Variants in R3HDM1 observed in about 807,000 individuals in gnomAD.
R3HDM1 encodes R3H domain containing 1.
In R3HDM1, 46 loss-of-function variants were observed where a neutral mutation model predicts 141.1. That is an observed-to-expected ratio of 0.33 (90% CI 0.26 to 0.42). The LOEUF is 0.42. R3HDM1 is among the 10% of genes least tolerant of loss of function. The probability of loss-of-function intolerance (pLI) is 1.00; values close to 1 mark genes in which losing one functional copy is unlikely to be tolerated. For synonymous variants in R3HDM1, 435 were observed against 472.9 expected, an observed-to-expected ratio of 0.92 and a Z score of 1.04; for missense variants, 1,184 against 1,368.3, an observed-to-expected ratio of 0.87 and a Z score of 2.12.
intron 1 of R3HDM1, among the ~76,000 whole-genome samples, chr2:135,570,279 CT>C (rs1198483392): frequency 1.3e-5 from 2 of 152,184 alleles, no homozygotes; most frequent in African/African-American, 4.8e-5. Context: ...GTTCAGTTAT[CT>C]CAGTATTAAA....
intron 21 of R3HDM1, among the ~76,000 whole-genome samples, chr2:135,681,874 C>T (rs1012735009): frequency 5.9e-5 from 9 of 152,018 alleles, no homozygotes; most frequent in African/African-American, 2.2e-4. Context: ...TTATATACTT[C>T]TTGGCCACAT....
chr2:135,686,261 G>A (rs968246714), intron 21 of R3HDM1, among the ~76,000 whole-genome samples: 1 of 152,140 alleles, frequency 6.6e-6, no homozygotes, highest in African/African-American at 2.4e-5. Flanking sequence ...AAACAGTACA[G>A]AAGTTCCTAA....
At chr2:135,699,037 A>AGATTGATAGATT (rs1415750274) in intron 21 of R3HDM1, among the ~76,000 whole-genome samples, 12 of 99,812 alleles carry the variant, frequency 1.2e-4, no homozygotes, top group Non-Finnish European at 1.2e-4. Context: ...ATAGATAGAT[A>AGATTGATAGATT]GATAGATAAG....
At chr2:135,652,273 G>A (rs1227525655) in intron 18 of R3HDM1, among the ~76,000 whole-genome samples, 1 of 152,090 alleles carries the variant, frequency 6.6e-6, no homozygotes, top group East Asian at 1.9e-4. Context: ...TTTCTGAGAG[G>A]TATGGGTTTC....
In R3HDM1 at chr2:135,568,062, G is replaced by GT. The variant is rs768984784; in HGVS notation, c.-249-34431dup. Among the ~76,000 whole-genome samples the GT allele has an allele frequency of 8.9e-5, 13 of 146,416 alleles. No individual in the cohort carries two copies. The East Asian group carries it at 1.5e-3, about 16-fold the overall frequency. ...CCACCATGCCTGGCCACATTTTTGT[G>GT]TTTTTTTGTTTGAGACAGGGTCTTA... On this transcript the variant is annotated intron_variant, in intron 1 of 26. Transcript: ENST00000683871.
At chr2:135,627,081 T>C (rs2062126379) in intron 7 of R3HDM1, among the ~76,000 whole-genome samples, 2 of 152,180 alleles carry the variant, frequency 1.3e-5, no homozygotes, top group African/African-American at 4.8e-5. Flanking sequence ...ATTAGTGTCA[T>C]TGTGGTTTTA....
intron 1 of R3HDM1, chr2:135,586,328 T>G (rs1707898557): frequency 6.6e-6 from 1 of 152,666 alleles, no homozygotes; most frequent in African/African-American, 2.4e-5. Flanking sequence ...TTCTATTGTC[T>G]GAGTCCTCCT....
chr2:135,539,456 A>T (rs1029303438), intron 1 of R3HDM1, among the ~76,000 whole-genome samples: 2 of 152,204 alleles, frequency 1.3e-5, no homozygotes, highest in African/African-American at 4.8e-5. Flanking sequence ...GACCACTATC[A>T]TTTATGCAGT....
rs2072233268 is a variant in R3HDM1 at position 135,690,717 on chromosome 2, T to TG, written c.2459+10393_2459+10394insG. Among the ~76,000 whole-genome samples the TG allele has an allele frequency of 9.2e-5, 14 of 151,534 alleles. No individual in the cohort carries two copies. In the South Asian group the frequency reaches 2.9e-3, roughly 31 times the overall value. On this transcript the variant is annotated intron_variant, in intron 21 of 26. Transcript: ENST00000683871. ...CTTTAGTGGATATAAAAGAGGTTTT[T>TG]TTTGTTTGTTTGTTTCTTTTTTTCT...
rs546435465 is a variant in R3HDM1 at position 135,596,290 on chromosome 2, G to T, written c.-249-6210G>T. 2.0e-5 allele frequency among the ~76,000 whole-genome samples: 3 copies of T among 152,210 alleles called. No homozygotes were observed. In the East Asian group the frequency reaches 5.8e-4, roughly 29 times the overall value. ...TGGGATTACAGGCATGAGCCACCGC[G>T]CCCAGCCTAATACTAAGCTTCTAAT... On this transcript the variant is annotated intron_variant, in intron 1 of 26. Transcript: ENST00000683871.
chr2:135,535,499 AAAAT>A (rs3050151), intron 1 of R3HDM1, among the ~76,000 whole-genome samples: 33,156 of 143,596 alleles, frequency 0.23, 4,686 homozygotes, highest in East Asian at 0.55. Context: ...CTTTGTCTCA[AAAAT>A]AAATAAATAA....
chr2:135,622,154 G>T (rs920620628), intron 6 of R3HDM1: 2 of 984,482 alleles, frequency 2.0e-6, no homozygotes, highest in South Asian at 9.4e-5. Flanking sequence ...TATTTGAAAA[G>T]TATTTTGAAA....
chr2:135,701,152 A>T (rs1295043636), intron 21 of R3HDM1, among the ~76,000 whole-genome samples: 1 of 149,576 alleles, frequency 6.7e-6, no homozygotes, highest in Non-Finnish European at 1.5e-5. Flanking sequence ...TGGGACACAG[A>T]GATGGGAGAA....
At position 135,641,753 on chromosome 2, in the gene R3HDM1, C is replaced by G; in HGVS notation, c.1437C>G (p.Gly479=). Residue 479 remains glycine, a synonymous_variant, in exon 15 of 27, where the codon GGC becomes GGG. Transcript: ENST00000683871. Reference sequence around the variant, plus strand: ...TTTTGCTTCCCTTGGAAGCGGCAGGCATACCACCTGGCAGTATTCTGATCA... The same window carrying G: ...TTTTGCTTCCCTTGGAAGCGGCAGGGATACCACCTGGCAGTATTCTGATCA... ...SFFLLPLEAA[G]IPPGSILINP... 1.9e-6 allele frequency: 3 copies of G among 1,614,072 alleles called. No individual in the cohort carries two copies. Among genetic ancestry groups the G allele is most frequent in the Non-Finnish European group, 2.5e-6 (3 of 1,179,954 alleles).
At chr2:135,652,257 G>A (rs532091894) in intron 18 of R3HDM1, among the ~76,000 whole-genome samples, 1 of 151,918 alleles carries the variant, frequency 6.6e-6, no homozygotes, top group East Asian at 1.9e-4. Context: ...GCTTTGAGGG[G>A]TTTTTTTTCT....
intron 9 of R3HDM1, chr2:135,633,829 G>A (rs2062973656): frequency 6.6e-6 from 1 of 152,178 alleles, no homozygotes; most frequent in Non-Finnish European, 1.5e-5. Flanking sequence ...AAAGAATGAG[G>A]TAAGACAGTC....
intron 21 of R3HDM1, among the ~76,000 whole-genome samples, chr2:135,683,830 T>G (rs189144055): frequency 2.6e-5 from 4 of 152,228 alleles, no homozygotes; most frequent in Admixed American, 6.5e-5. Flanking sequence ...CTTAGTGGCT[T>G]ATATAAATTA....
intron 23 of R3HDM1, among the ~76,000 whole-genome samples, chr2:135,712,486 A>G (rs2075764909): frequency 7.2e-6 from 1 of 139,008 alleles, no homozygotes; most frequent in Admixed American, 7.8e-5. Context: ...TGCCCAGGCT[A>G]GTCTCAAATT....
intron 19 of R3HDM1, among the ~76,000 whole-genome samples, chr2:135,672,544 T>G (rs1285554298): frequency 6.6e-6 from 1 of 152,218 alleles, no homozygotes; most frequent in Non-Finnish European, 1.5e-5. Context: ...TATACTGCTA[T>G]CCTCATACGG....
Sources: allele counts gnomAD v4.1 joint callset (sites outside exome capture counted in the v4.1 genomes callset), GRCh38; gene constraint gnomAD v4.1.1; transcripts MANE v1.5; gene names NCBI Gene and HGNC (gene_info 2026-07-23, HGNC 2026-07-21).